The following ADGRF5 variants were observed in gnomAD, a reference collection of about 807,000 sequenced individuals.
The protein encoded by ADGRF5 is adhesion G protein-coupled receptor F5.
Under a neutral mutation model 132.3 loss-of-function variants are expected in ADGRF5, and 75 were observed. The observed-to-expected ratio is 0.57, with a 90% CI of 0.47 to 0.69. The LOEUF (loss-of-function observed/expected upper bound fraction) is 0.69, where lower values mean the gene tolerates loss of function less well. Ranked by LOEUF, ADGRF5 falls within the 30% of genes least tolerant of loss-of-function variation. ADGRF5 has a pLI of 0.00. For synonymous variants in ADGRF5, 629 were observed against 597.6 expected (o/e 1.05, Z -0.77); for missense variants, 1,516 against 1,630.6 (o/e 0.93, Z 1.21).
At chr6:46,898,787 C>T (rs1774440276) in intron 3 of ADGRF5, among the ~76,000 whole-genome samples, 10 of 152,168 alleles carry the variant, frequency 6.6e-5, no homozygotes, top group Admixed American at 5.9e-4. Context: ...TCAAGTCACA[C>T]ATGGCTGAAA....
chr6:46,880,039 T>C lies in ADGRF5; in HGVS notation c.815A>G (p.Asn272Ser). The change falls in exon 9 of 21, where the codon AAT becomes AGT. Residue 272 changes from asparagine to serine, a missense_variant and splice_region_variant. Coordinates refer to ENST00000283296, the MANE Select transcript of ADGRF5 (RefSeq NM_001098518.2). ...DYNSFQAVTINESNFFVTPEI... is the reference protein window; with the variant it reads ...DYNSFQAVTISESNFFVTPEI... ...TGGTGTGACAAAGAAATTGCTTTCA[T>C]CTGGAAACCCAAAGAAAAGTTAATA... is the stretch of plus-strand genomic sequence containing the variant. The C allele has an allele frequency of 6.2e-7, 1 of 1,609,980 alleles. No homozygotes were observed. The highest frequency in any genetic ancestry group is 8.5e-7 in the Non-Finnish European group (1 of 1,176,252).
At position 46,946,913 on chromosome 6, in the gene ADGRF5, G is replaced by A. The variant is rs189581901; in HGVS notation, c.-25+7821C>T. ...GAAGACACCATAAAGATGTCTCTGG[G>A]GATAATTGAAGAGTTCCAGGCTGAG... is the stretch of plus-strand genomic sequence containing the variant. On this transcript the variant is annotated intron_variant, in intron 1 of 20. Coordinates refer to the ADGRF5 transcript ENST00000265417. Among the ~76,000 whole-genome samples, 4 of 152,270 alleles carry A rather than the reference G, an allele frequency of 2.6e-5. No individual in the cohort carries two copies. In the East Asian group the frequency reaches 7.7e-4, roughly 29 times the overall value.
chr6:46,861,616 C>T (rs745376809), intron 15 of ADGRF5, among the ~76,000 whole-genome samples: 15 of 152,176 alleles, frequency 9.9e-5, no homozygotes, highest in Admixed American at 2.6e-4. Context: ...TTTGATATTG[C>T]TCCAATTAAA....
intron 3 of ADGRF5, among the ~76,000 whole-genome samples, chr6:46,891,137 C>T (rs1036557261): frequency 2.0e-5 from 3 of 152,200 alleles, no homozygotes; most frequent in African/African-American, 7.2e-5. Context: ...TTAAGGTATA[C>T]TTCTTCTTTA....
At chr6:46,902,138 A>G (rs1007354256) in intron 2 of ADGRF5, among the ~76,000 whole-genome samples, 3 of 152,244 alleles carry the variant, frequency 2.0e-5, no homozygotes, top group African/African-American at 7.2e-5. Flanking sequence ...CTGAAGGTGC[A>G]AAGTCAATGT....
intron 1 of ADGRF5, among the ~76,000 whole-genome samples, chr6:46,936,469 T>C (rs1777833994): frequency 6.6e-6 from 1 of 152,200 alleles, no homozygotes; most frequent in African/African-American, 2.4e-5. Flanking sequence ...AATTGTATAC[T>C]ATAATAGTGG....
intron 10 of ADGRF5, among the ~76,000 whole-genome samples, chr6:46,877,291 C>CTT (rs780750764): frequency 0.15 from 9,148 of 60,584 alleles, 345 homozygotes; most frequent in African/African-American, 0.16. Context: ...TTCTTTCTTT[C>CTT]TCTCTCTCTC....
intron 1 of ADGRF5, 47 bp from the exon 2 acceptor site, chr6:46,906,833 A>G (rs1314207914): frequency 4.7e-6 from 4 of 847,804 alleles, no homozygotes; most frequent in Non-Finnish European, 8.2e-6. Context: ...TTTATTTCTT[A>G]AACAAGGAAA....
chr6:46,948,516 ATG>A (rs1778383191), intron 1 of ADGRF5, among the ~76,000 whole-genome samples: 2 of 107,946 alleles, frequency 1.9e-5, no homozygotes, highest in Non-Finnish European at 4.0e-5. Flanking sequence ...GTGTGTGTGT[ATG>A]TGTGTGTTTA....
chr6:46,863,427 C>A, intron 14 of ADGRF5: 1 of 418,834 alleles, frequency 2.4e-6, no homozygotes. Context: ...TCGGAATCGT[C>A]AGAGCGGGAT....
intron 6 of ADGRF5, among the ~76,000 whole-genome samples, chr6:46,883,153 T>C (rs908926664): frequency 1.3e-5 from 2 of 152,224 alleles, no homozygotes; most frequent in Non-Finnish European, 2.9e-5. Flanking sequence ...ACCTCTGGTG[T>C]AGAGTGGTTT....
intron 1 of ADGRF5, among the ~76,000 whole-genome samples, chr6:46,945,200 C>A (rs2150946272): frequency 6.6e-6 from 1 of 152,298 alleles, no homozygotes; most frequent in East Asian, 1.9e-4. Context: ...AAGTGTCATT[C>A]ATTTCTGCTT....
At chr6:46,894,420 C>T (rs1389337481) in intron 3 of ADGRF5, among the ~76,000 whole-genome samples, 5 of 152,106 alleles carry the variant, frequency 3.3e-5, no homozygotes, top group Non-Finnish European at 7.4e-5. Context: ...TCATCAAACA[C>T]CAGACTGTGA....
chr6:46,857,595 T>C (rs1323452355), intron 17 of ADGRF5, among the ~76,000 whole-genome samples: 1 of 152,190 alleles, frequency 6.6e-6, no homozygotes, highest in African/African-American at 2.4e-5. Context: ...GAAGATGTTT[T>C]TTCATTGTAG....
chr6:46,873,444 C>A (rs1464071963), intron 10 of ADGRF5, among the ~76,000 whole-genome samples: 1 of 152,146 alleles, frequency 6.6e-6, no homozygotes, highest in Non-Finnish European at 1.5e-5. Flanking sequence ...ACTTTGACTG[C>A]AGCATCCCAT....
In ADGRF5 at chr6:46,856,034, G is replaced by T. The variant is rs1362892877; in HGVS notation, c.3901C>A (p.Pro1301Thr). Residue 1301 changes from proline (P) to threonine (T), a missense_variant, in exon 20 of 21, where the codon CCT (proline) becomes ACT (threonine). By Grantham distance (38) the Pro-to-Thr change is conservative. This residue lies in a region of ADGRF5 where 571 missense variants were observed against 701.2 expected (regional missense o/e 0.81). Coordinates refer to ENST00000283296, the MANE Select transcript of ADGRF5 (RefSeq NM_001098518.2). ...SKSTSLGSST[P>T]VFSMSSPISR... is the part of the protein sequence containing the mutation. The stretch of plus-strand genomic sequence containing the variant: ...ATTGGAGAACTCATAGAAAACACAG[G>T]TGTGGATGAACCCAGGGATGTTGAC... The T allele has an allele frequency of 3.1e-6, 5 of 1,599,648 alleles. No individual in the cohort carries two copies. The highest frequency in any genetic ancestry group is 4.3e-6 in the Non-Finnish European group (5 of 1,169,946).
At chr6:46,942,407 G>A (rs761749) in intron 1 of ADGRF5, among the ~76,000 whole-genome samples, 78,077 of 152,092 alleles carry the variant, frequency 0.51, 20,996 homozygotes, top group East Asian at 0.64. Flanking sequence ...ATGCTTAAGA[G>A]GGTAAAAGCA....
chr6:46,862,867 A>G (rs758669125), intron 15 of ADGRF5, 21 bp downstream of exon 15: 13 of 1,526,464 alleles, frequency 8.5e-6, no homozygotes, highest in Non-Finnish European at 1.1e-5. Context: ...AAGAGCTCAG[A>G]GTGGAAGCTT....
rs1442488775 is a variant in ADGRF5 at position 46,884,226 on chromosome 6, C to A, written c.374G>T (p.Gly125Val). ...GNEIWCSCET[G>V]YGWPRERCLH... is the part of the protein sequence containing the mutation. ...ACACCTTTCCCGAGGCCACCCATAA[C>A]CTGTCTCGCAGGAGCACCAGATTTC... The change falls in exon 5 of 21, where the codon GGT becomes GTT. Residue 125 changes from glycine (G) to valine (V), a missense_variant. Gly to Val is a moderately radical substitution (Grantham distance 109). Transcript: ENST00000283296. 6.2e-7 allele frequency: 1 copy of A among 1,614,080 alleles called. No homozygotes were observed. The highest frequency in any genetic ancestry group is 8.5e-7 in the Non-Finnish European group (1 of 1,179,918).
Sources: allele counts gnomAD v4.1 joint callset (sites outside exome capture counted in the v4.1 genomes callset), GRCh38; gene constraint gnomAD v4.1.1; regional missense constraint gnomAD v4.1.1; transcripts MANE v1.5; gene names NCBI Gene and HGNC (gene_info 2026-07-23, HGNC 2026-07-21).